Variants in FOXA2 observed in about 807,000 individuals in gnomAD.
FOXA2 encodes the protein forkhead box A2.
In FOXA2, 9 loss-of-function variants were observed where a neutral mutation model predicts 33.3. That is an observed-to-expected ratio of 0.27 (90% confidence interval 0.16 to 0.47). The LOEUF is 0.47. Ranked by LOEUF, FOXA2 falls within the 20% of genes least tolerant of loss-of-function variation. The pLI, the probability that FOXA2 is intolerant of heterozygous loss-of-function variation, is 0.99. For missense variants in FOXA2, 704 were observed against 659.9 expected (o/e 1.07, Z -0.73); for synonymous variants, 329 against 289.4 (o/e 1.14, Z -1.39).
rs558508968 is a variant in FOXA2, at chr20:22,582,234, C to T, written c.1008G>A (p.Leu336=). Residue 336 remains leucine, a synonymous_variant, in exon 2 of 2, where the codon CTG becomes CTA. Coordinates refer to ENST00000419308, the MANE Select transcript of FOXA2 (RefSeq NM_021784.5). The part of the protein sequence containing the change: ...GELKGTPAAA[L]SPPEPAPSPG... ...GAGAGGGCGCCGGCTCTGGGGGGCT[C>T]AGCGCCGCAGCCGGCGTCCCCTTCA... 166 of 1,481,178 alleles carry T rather than the reference C, an allele frequency of 1.1e-4. No individual in the cohort carries two copies. In the Middle Eastern group the frequency reaches 1.7e-3, roughly 15 times the overall value. The allele number at this position is 1,481,178 out of a possible 1,614,324, so 91.8% of individuals were successfully genotyped here. A position where few individuals can be genotyped will look rare whatever the true frequency, so the allele number is the denominator to read the frequency against.
rs1459657782 is a variant in FOXA2 at position 22,581,941 on chromosome 20, G to A, written c.1301C>T (p.Thr434Met). The change falls in exon 2 of 2, where the codon ACG becomes ATG. Residue 434 changes from threonine (T) to methionine (M), a missense_variant. Thr to Met is a moderately conservative substitution (Grantham distance 81). Around this residue, in one of 5 missense-constraint regions of FOXA2, gnomAD observed 343 missense variants for 274.8 expected, o/e 1.25. Transcript: ENST00000419308. ...MPGSLAMGPV[T>M]NKTGLDASPL... ...CGAGGCGTCCAGGCCCGTTTTGTTCGTGACCGGGCCCATGGCCAAGCTGCC... is the reference window on the plus strand; with the variant it reads ...CGAGGCGTCCAGGCCCGTTTTGTTCATGACCGGGCCCATGGCCAAGCTGCC... 1.2e-6 allele frequency: 2 copies of A among 1,611,544 alleles called. No individual in the cohort carries two copies. The highest frequency in any genetic ancestry group is 1.7e-6 in the Non-Finnish European group (2 of 1,177,902).
upstream of FOXA2, among the ~76,000 whole-genome samples, chr20:22,585,099 G>GC (rs749418547): frequency 6.6e-6 from 1 of 152,182 alleles, no homozygotes; most frequent in East Asian, 1.9e-4. Flanking sequence ...CGCGCCGGGC[G>GC]CCCGGTGCGC....
chr20:22,582,776 T>C lies in FOXA2; in HGVS notation c.466A>G (p.Thr156Ala). ...GCGTGCGTGTAGCTGCGCCTGTAGG[T>C]CTTGGGGTCGCGGGCGCGGCTCAGG... is the stretch of plus-strand genomic sequence containing the variant. ...AGLSRARDPK[T>A]YRRSYTHAKP... Residue 156 changes from threonine (T) to alanine (A), a missense_variant, in exon 2 of 2, where the codon ACC becomes GCC. Transcript: ENST00000419308. The C allele has an allele frequency of 2.5e-6, 4 of 1,613,958 alleles. No homozygotes were observed. Among genetic ancestry groups the C allele is most frequent in the Non-Finnish European group, 3.4e-6 (4 of 1,179,954 alleles).
In FOXA2 at chr20:22,584,520, C is replaced by A. The variant is rs1340777678; in HGVS notation, c.-242G>T. The A allele has an allele frequency of 6.0e-6, 3 of 502,906 alleles. No individual in the cohort carries two copies. Among genetic ancestry groups the A allele is most frequent in the Non-Finnish European group, 7.1e-6 (2 of 281,060 alleles). 31.2% of individuals were successfully genotyped at this position (502,906 alleles called of 1,614,324 possible). A position where few individuals can be genotyped will look rare whatever the true frequency, so the allele number is the denominator to read the frequency against. On this transcript the variant is annotated 5_prime_UTR_variant, in exon 1 of 2. Coordinates refer to ENST00000419308, the MANE Select transcript of FOXA2 (RefSeq NM_021784.5). The stretch of plus-strand genomic sequence containing the variant: ...CAGGCCAGCGCCCCGCGGTAGGGAG[C>A]ACCCGCCGCCGCCGCGCTCACGGGC...
Position 22,581,741 on chromosome 20 carries a change from C to G in FOXA2, c.*109G>C. 9.7e-7 allele frequency: 1 copy of G among 1,026,868 alleles called. No homozygotes were observed. Among genetic ancestry groups the G allele is most frequent in the Non-Finnish European group, 1.5e-6 (1 of 675,478 alleles). 63.6% of individuals were successfully genotyped at this position (1,026,868 alleles called of 1,614,324 possible). A position where few individuals can be genotyped will look rare whatever the true frequency, so the allele number is the denominator to read the frequency against. Reference sequence around the variant, plus strand: ...GTGGGGGTGTTATGGATTTCTTCTCCCTTGCGTCTCTGCAACACCGTCTCC... The same window carrying G: ...GTGGGGGTGTTATGGATTTCTTCTCGCTTGCGTCTCTGCAACACCGTCTCC... On this transcript the variant is annotated 3_prime_UTR_variant, in exon 2 of 2. Transcript: ENST00000419308.
In FOXA2 at chr20:22,584,460, C is replaced by T; in HGVS notation, c.-182G>A. 2.8e-6 allele frequency: 1 copy of T among 351,620 alleles called. No homozygotes were observed. Among genetic ancestry groups the T allele is most frequent in the Non-Finnish European group, 5.7e-6 (1 of 174,400 alleles). 21.8% of individuals were successfully genotyped at this position (351,620 alleles called of 1,614,324 possible). A position where few individuals can be genotyped will look rare whatever the true frequency, so the allele number is the denominator to read the frequency against. ...GCCGGAGGCGGTAGTTGGAAGTGGG[C>T]GGGAGGTGGGGGGGGGCGAGGAGCG... On this transcript the variant is annotated 5_prime_UTR_variant, in exon 1 of 2. Transcript: ENST00000419308.
intron 1 of FOXA2, among the ~76,000 whole-genome samples, 198 bp from the exon 2 acceptor site, chr20:22,583,352 C>G (rs1222638589): frequency 6.6e-6 from 1 of 152,228 alleles, no homozygotes; most frequent in Admixed American, 6.5e-5. Flanking sequence ...GGGAAGGTGG[C>G]GAGCGGATTG....
In FOXA2 at chr20:22,581,684, G is replaced by C; in HGVS notation, c.*166C>G. 1 of 633,526 alleles carries C rather than the reference G, an allele frequency of 1.6e-6. No individual in the cohort carries two copies. Among genetic ancestry groups the C allele is most frequent in the Non-Finnish European group, 2.7e-6 (1 of 364,392 alleles). The allele number at this position is 633,526 out of a possible 1,614,324, so 39.2% of individuals were successfully genotyped here. ...GTTTGGGACGGAACGGCTGCAGCGGGTGAAGAAGACTGCTGTCTTGGGGGT... is the reference window on the plus strand; with the variant it reads ...GTTTGGGACGGAACGGCTGCAGCGGCTGAAGAAGACTGCTGTCTTGGGGGT... On this transcript the variant is annotated 3_prime_UTR_variant, in exon 2 of 2. Transcript: ENST00000419308.
At position 22,584,380 on chromosome 20, in the gene FOXA2, T is replaced by G; in HGVS notation, c.-102A>C. The G allele has an allele frequency of 1.3e-6, 1 of 784,640 alleles. No homozygotes were observed. 48.6% of individuals were successfully genotyped at this position (784,640 alleles called of 1,614,324 possible). On this transcript the variant is annotated 5_prime_UTR_variant, in exon 1 of 2. Transcript: ENST00000419308. ...AGCCAAAGCACCGTCCCCTCCTCCC[T>G]CCCTCTCTCGCGCTCCCTCTCCCTG...
Position 22,582,708 on chromosome 20 carries a change from G to T in FOXA2, c.534C>A (p.Ile178=), listed in dbSNP as rs758223832. The T allele has an allele frequency of 6.2e-7, 1 of 1,614,212 alleles. No individual in the cohort carries two copies. The highest frequency in any genetic ancestry group is 2.2e-5 in the East Asian group (1 of 44,854). Residue 178 remains isoleucine (I), a synonymous_variant, in exon 2 of 2, where the codon ATC becomes ATA. Coordinates refer to ENST00000419308, the MANE Select transcript of FOXA2 (RefSeq NM_021784.5). ...YSYISLITMA[I]QQSPNKMLTL... is the part of the protein sequence containing the mutation. ...TCAGCATCTTGTTGGGGCTCTGCTG[G>T]ATGGCCATGGTGATGAGCGAGATGT...
rs778913511 is a variant in FOXA2 at position 22,582,353 on chromosome 20, C to A, written c.889G>T (p.Ala297Ser). ...GCCGGAGTCTCGGAGGCCGGCCCGG[C>A]GGCCTCCCCGAGTTGAGCCTGTGAG... ...QASQAQLGEA[A>S]GPASETPAGT... Residue 297 changes from alanine to serine, a missense_variant, in exon 2 of 2, where the codon GCC (alanine) becomes TCC (serine). Coordinates refer to ENST00000419308, the MANE Select transcript of FOXA2 (RefSeq NM_021784.5). 2.7e-6 allele frequency: 4 copies of A among 1,481,572 alleles called. No homozygotes were observed. The highest frequency in any genetic ancestry group is 2.4e-5 in the East Asian group (1 of 40,952). The allele number at this position is 1,481,572 out of a possible 1,614,324, so 91.8% of individuals were successfully genotyped here. A position where few individuals can be genotyped will look rare whatever the true frequency, so the allele number is the denominator to read the frequency against.
In FOXA2 at chr20:22,584,321, A is replaced by C. The variant is rs2122998569; in HGVS notation, c.-43T>G. The C allele has an allele frequency of 6.6e-7, 1 of 1,510,462 alleles. No individual in the cohort carries two copies. The allele number at this position is 1,510,462 out of a possible 1,614,324, so 93.6% of individuals were successfully genotyped here. Reference sequence around the variant, plus strand: ...CAGCCACAACAAACGACCAGCAATCACCCCCCACCCCCACCCTCTTTTAAA... The same window carrying C: ...CAGCCACAACAAACGACCAGCAATCCCCCCCCACCCCCACCCTCTTTTAAA... On this transcript the variant is annotated 5_prime_UTR_variant, in exon 1 of 2. Transcript: ENST00000419308.
chr20:22,582,059 G>A lies in FOXA2; in HGVS notation c.1183C>T (p.His395Tyr). ...GGTTGGTGGTGGTGGTGGCTGTGGTGGTGCTGCTGCTCCGAGGACATGAGG... is the reference window on the plus strand; with the variant it reads ...GGTTGGTGGTGGTGGTGGCTGTGGTAGTGCTGCTGCTCCGAGGACATGAGG... ...NNLMSSEQQH[H>Y]HSHHHHQPHK... is the part of the protein sequence containing the mutation. Residue 395 changes from histidine to tyrosine, a missense_variant, in exon 2 of 2, where the codon CAC (histidine) becomes TAC (tyrosine). His to Tyr is a moderately conservative substitution (Grantham distance 83). Around this residue, in one of 5 missense-constraint regions of FOXA2, gnomAD observed 343 missense variants for 274.8 expected, o/e 1.25. Transcript: ENST00000419308. The A allele has an allele frequency of 1.2e-6, 2 of 1,613,912 alleles. No individual in the cohort carries two copies. Among genetic ancestry groups the A allele is most frequent in the Non-Finnish European group, 1.7e-6 (2 of 1,179,780 alleles).
chr20:22,583,196 C>A (rs370902087), intron 1 of FOXA2, 42 bp from the exon 2 acceptor site: 1 of 1,596,806 alleles, frequency 6.3e-7, no homozygotes, highest in African/African-American at 1.3e-5. Context: ...GCGTTAGCAC[C>A]GCGGCTGGAG....
Position 22,582,924 on chromosome 20 carries a change from C to G in FOXA2, c.318G>C (p.Ala106=). Residue 106 remains alanine (A), a synonymous_variant, in exon 2 of 2, where the codon GCG becomes GCC. Coordinates refer to ENST00000419308, the MANE Select transcript of FOXA2 (RefSeq NM_021784.5). ...MGGSAGAAGV[A]GMGPHLSPSL... Reference sequence around the variant, plus strand: ...TGGGACTCAAGTGCGGCCCCATGCCCGCCACGCCGGCCGCCCCGGCCGAGC... The same window carrying G: ...TGGGACTCAAGTGCGGCCCCATGCCGGCCACGCCGGCCGCCCCGGCCGAGC... 2 of 1,519,422 alleles carry G rather than the reference C, an allele frequency of 1.3e-6. No homozygotes were observed. Among genetic ancestry groups the G allele is most frequent in the Non-Finnish European group, 1.8e-6 (2 of 1,138,498 alleles). 94.1% of individuals were successfully genotyped at this position (1,519,422 alleles called of 1,614,324 possible).
In FOXA2 at chr20:22,583,171, G is replaced by A; in HGVS notation, c.88-17C>T. On this transcript the variant is annotated splice_polypyrimidine_tract_variant and intron_variant, in intron 1 of 1. Coordinates refer to ENST00000419308, the MANE Select transcript of FOXA2 (RefSeq NM_021784.5). Reference sequence around the variant, plus strand: ...GGAGTAGCCCTGCGGACAGAGCCCCGGGAGGGAGGCGACAGCGTTAGCACC... The same window carrying A: ...GGAGTAGCCCTGCGGACAGAGCCCCAGGAGGGAGGCGACAGCGTTAGCACC... 1 of 1,599,412 alleles carries A rather than the reference G, an allele frequency of 6.3e-7. No individual in the cohort carries two copies. The highest frequency in any genetic ancestry group is 8.5e-7 in the Non-Finnish European group (1 of 1,179,652).
chr20:22,584,852 A>G (rs1984722954), upstream of FOXA2, among the ~76,000 whole-genome samples: 1 of 152,178 alleles, frequency 6.6e-6, no homozygotes, highest in East Asian at 1.9e-4. Context: ...GGTGAGAGGT[A>G]GCCGCAGCCG....
intron 1 of FOXA2, 67 bp downstream of exon 1, chr20:22,584,125 G>T (rs978999086): frequency 9.4e-6 from 14 of 1,483,180 alleles, no homozygotes; most frequent in African/African-American, 2.8e-5. Flanking sequence ...CGAGGGAAGC[G>T]GTCCTGAGGT....
rs750648594 is a variant in FOXA2, at chr20:22,582,303, G to C, written c.939C>G (p.Ser313Arg). The stretch of plus-strand genomic sequence containing the variant: ...GCTTGTGCTCCTGGCACGGGGAGGC[G>C]CTCGAGTGAGGCGACTCGGTGCCCG... ...TPAGTESPHS[S>R]ASPCQEHKRG... The change falls in exon 2 of 2, where the codon AGC (serine) becomes AGG (arginine). Residue 313 changes from serine (S) to arginine (R), a missense_variant. This residue lies in a region of FOXA2 where 343 missense variants were observed against 274.8 expected (regional missense o/e 1.25). Coordinates refer to ENST00000419308, the MANE Select transcript of FOXA2 (RefSeq NM_021784.5). 1.0e-5 allele frequency: 15 copies of C among 1,470,662 alleles called. No homozygotes were observed. The African/African-American group carries it at 2.2e-4, about 21-fold the overall frequency. 91.1% of individuals were successfully genotyped at this position (1,470,662 alleles called of 1,614,324 possible). A position where few individuals can be genotyped will look rare whatever the true frequency, so the allele number is the denominator to read the frequency against.
Sources: allele counts gnomAD v4.1 joint callset (sites outside exome capture counted in the v4.1 genomes callset), GRCh38; gene constraint gnomAD v4.1.1; regional missense constraint gnomAD v4.1.1; transcripts MANE v1.5; gene names NCBI Gene and HGNC (gene_info 2026-07-23, HGNC 2026-07-21).